TMX4: variants seen among roughly 807,000 people sequenced by gnomAD.
The protein encoded by TMX4 is thioredoxin related transmembrane protein 4.
Under a neutral mutation model 33.3 loss-of-function variants are expected in TMX4, and 23 were observed. That is an observed-to-expected ratio of 0.69 (90% confidence interval 0.50 to 0.98). The LOEUF is 0.98. Among genes scored for constraint, TMX4 ranks in the 50% least tolerant of loss-of-function variants. TMX4 has a pLI of 0.00. For synonymous variants in TMX4, 164 were observed against 161.5 expected (o/e 1.02, Z -0.12); for missense variants, 399 against 448.9 (o/e 0.89, Z 1.01).
At chr20:8,015,841 A>T (rs1400978896) in intron 1 of TMX4, among the ~76,000 whole-genome samples, 1 of 152,228 alleles carries the variant, frequency 6.6e-6, no homozygotes, top group Non-Finnish European at 1.5e-5. Context: ...TTGAAACATG[A>T]TCATTCCAAA....
chr20:8,001,285 T>A (rs2050706367), intron 3 of TMX4, among the ~76,000 whole-genome samples: 1 of 152,168 alleles, frequency 6.6e-6, no homozygotes, highest in Non-Finnish European at 1.5e-5. Context: ...CTCTGACTTC[T>A]CCTGCCCACC....
rs1485146515 is a variant in TMX4, at chr20:7,978,946, C to T, written c.*3305G>A. 6.6e-6 allele frequency: 1 copy of T among 152,212 alleles called. No individual in the cohort carries two copies. 9.4% of individuals were successfully genotyped at this position (152,212 alleles called of 1,614,324 possible). On this transcript the variant is annotated 3_prime_UTR_variant, in exon 8 of 8. Transcript: ENST00000246024. Reference sequence around the variant, plus strand: ...AGATACCCTGCTCCAACTCCCCAAACATAAAGCACTGCACATTCCCATTCC... The same window carrying T: ...AGATACCCTGCTCCAACTCCCCAAATATAAAGCACTGCACATTCCCATTCC...
At chr20:8,008,238 A>G (rs1351709355) in intron 2 of TMX4, among the ~76,000 whole-genome samples, 1 of 152,160 alleles carries the variant, frequency 6.6e-6, no homozygotes, top group African/African-American at 2.4e-5. Flanking sequence ...TAAAATTTTT[A>G]TCATTTAAAA....
chr20:7,982,518 T>G lies in TMX4; in HGVS notation c.783A>C (p.Val261=). ...GATCTTCTTTCTCTTCTTCATCATC[T>G]ACAAGGCTGTCTTTGTTTTCTTCTT... The part of the protein sequence containing the change: ...SNEEENKDSL[V]DDEEEKEDLG... Residue 261 remains valine (V), a synonymous_variant, in exon 8 of 8, where the codon GTA becomes GTC. Coordinates refer to ENST00000246024, the MANE Select transcript of TMX4 (RefSeq NM_021156.4). The G allele has an allele frequency of 6.2e-7, 1 of 1,613,800 alleles. No individual in the cohort carries two copies. The highest frequency in any genetic ancestry group is 8.5e-7 in the Non-Finnish European group (1 of 1,179,752).
chr20:8,004,744 T>C (rs1006477010), intron 2 of TMX4, among the ~76,000 whole-genome samples: 1 of 152,214 alleles, frequency 6.6e-6, no homozygotes, highest in Non-Finnish European at 1.5e-5. Context: ...AAAACAGAGA[T>C]AGCTAATAGC....
At position 7,983,865 on chromosome 20, in the gene TMX4, GA is replaced by G. The variant is rs1385792813; in HGVS notation, c.616-9del. 1.9e-6 allele frequency: 3 copies of G among 1,610,810 alleles called. No homozygotes were observed. The highest frequency in any genetic ancestry group is 1.7e-6 in the Non-Finnish European group (2 of 1,178,434). On this transcript the variant is annotated splice_polypyrimidine_tract_variant and intron_variant, in intron 6 of 7. Coordinates refer to ENST00000246024, the MANE Select transcript of TMX4 (RefSeq NM_021156.4). The stretch of plus-strand genomic sequence containing the variant: ...TGATATTACCACCAAGACCTGGAAG[GA>G]AAAAAGTGATTTTACAGTGAATAGA...
intron 2 of TMX4, among the ~76,000 whole-genome samples, chr20:8,005,554 T>C (rs1264783444): frequency 6.6e-6 from 1 of 152,180 alleles, no homozygotes; most frequent in South Asian, 2.1e-4. Context: ...ATTTCTGTTT[T>C]TGTGCCCAAA....
rs2122877859 is a variant in TMX4 at position 8,010,218 on chromosome 20, C to T, written c.274G>A (p.Asp92Asn). 6.2e-7 allele frequency: 1 copy of T among 1,609,070 alleles called. No individual in the cohort carries two copies. The highest frequency in any genetic ancestry group is 8.5e-7 in the Non-Finnish European group (1 of 1,176,958). Residue 92 changes from aspartate (D) to asparagine (N), a missense_variant, in exon 2 of 8, where the codon GAT becomes AAT. Coordinates refer to ENST00000246024, the MANE Select transcript of TMX4 (RefSeq NM_021156.4). ...ACAGTACCTGGTTCTTGAATGACAT[C>T]TACCTTCCCCACACTGATCTGAAGT... ...EILQISVGKV[D>N]VIQEPGLSGR...
Position 8,019,656 on chromosome 20 carries a change from G to C in TMX4, c.-43C>G. ...GCTTCTCGGCGGGGAGTGTGGGGAAGGGCAGCGGCCGGCCCGCAGCCTCGC... is the reference window on the plus strand; with the variant it reads ...GCTTCTCGGCGGGGAGTGTGGGGAACGGCAGCGGCCGGCCCGCAGCCTCGC... On this transcript the variant is annotated 5_prime_UTR_variant, in exon 1 of 8. Transcript: ENST00000246024. 7.7e-7 allele frequency: 1 copy of C among 1,294,628 alleles called. No homozygotes were observed. Among genetic ancestry groups the C allele is most frequent in the Non-Finnish European group, 9.8e-7 (1 of 1,021,018 alleles). 80.2% of individuals were successfully genotyped at this position (1,294,628 alleles called of 1,614,324 possible).
At position 7,981,224 on chromosome 20, in the gene TMX4, A is replaced by G. The variant is rs1221168971; in HGVS notation, c.*1027T>C. 1.3e-5 allele frequency: 2 copies of G among 152,200 alleles called. No individual in the cohort carries two copies. The highest frequency in any genetic ancestry group is 6.5e-5 in the Admixed American group (1 of 15,276). The allele number at this position is 152,200 out of a possible 1,614,324, so 9.4% of individuals were successfully genotyped here. A position where few individuals can be genotyped will look rare whatever the true frequency, so the allele number is the denominator to read the frequency against. ...TTCTTTCACCAAAAGCACATCACTGAAGGAAAATCAGAAGTGGTTTTTTAG... is the reference window on the plus strand; with the variant it reads ...TTCTTTCACCAAAAGCACATCACTGGAGGAAAATCAGAAGTGGTTTTTTAG... On this transcript the variant is annotated 3_prime_UTR_variant, in exon 8 of 8. Transcript: ENST00000246024.
chr20:8,001,685 T>C (rs2050708278), intron 2 of TMX4, 144 bp from the exon 3 acceptor site: 1 of 780,806 alleles, frequency 1.3e-6, no homozygotes, highest in African/African-American at 1.8e-5. Context: ...AGAAATTTCA[T>C]TTCTACCTAT....
In TMX4 at chr20:7,987,285, T is replaced by C. The variant is rs773904249; in HGVS notation, c.615+3A>G. On this transcript the variant is annotated splice_donor_region_variant and intron_variant, in intron 6 of 7. Transcript: ENST00000246024. ...ATAGAAAAAGTTTGGTATTATCTCT[T>C]ACCAGACCCATAAAAAGGCCAAAAA... 6.4e-7 allele frequency: 1 copy of C among 1,571,422 alleles called. No individual in the cohort carries two copies. Among genetic ancestry groups the C allele is most frequent in the Non-Finnish European group, 8.6e-7 (1 of 1,160,254 alleles).
chr20:7,984,851 T>C (rs1034423207), intron 6 of TMX4, among the ~76,000 whole-genome samples: 1 of 151,220 alleles, frequency 6.6e-6, no homozygotes, highest in Non-Finnish European at 1.5e-5. Flanking sequence ...TTGGTGAGAT[T>C]ACAAAAAAAA....
intron 1 of TMX4, among the ~76,000 whole-genome samples, chr20:8,018,518 G>GTCTC (rs1568541327): frequency 0.027 from 1,243 of 46,154 alleles, 217 homozygotes; most frequent in African/African-American, 0.058. Flanking sequence ...GAGAGAGAGA[G>GTCTC]AGAGAGAGAG....
Position 7,981,860 on chromosome 20 carries a change from C to G in TMX4, c.*391G>C, listed in dbSNP as rs558931590. ...ACAAGAAAAGGATGCAAGGCTTCTA[C>G]GTTACACTTTGGGGATGCTCAGGAG... On this transcript the variant is annotated 3_prime_UTR_variant, in exon 8 of 8. Transcript: ENST00000246024. 1 of 174,672 alleles carries G rather than the reference C, an allele frequency of 5.7e-6. No individual in the cohort carries two copies. The highest frequency in any genetic ancestry group is 2.4e-5 in the African/African-American group (1 of 42,024). The allele number at this position is 174,672 out of a possible 1,614,324, so 10.8% of individuals were successfully genotyped here. A position where few individuals can be genotyped will look rare whatever the true frequency, so the allele number is the denominator to read the frequency against.
chr20:8,005,566 G>A (rs2050725549), intron 2 of TMX4, among the ~76,000 whole-genome samples: 1 of 152,146 alleles, frequency 6.6e-6, no homozygotes, highest in Non-Finnish European at 1.5e-5. Flanking sequence ...GTGCCCAAAT[G>A]TTGCATTTCC....
At chr20:7,991,844 A>T (rs1380052049) in intron 5 of TMX4, among the ~76,000 whole-genome samples, 8 of 151,958 alleles carry the variant, frequency 5.3e-5, no homozygotes, top group Non-Finnish European at 1.0e-4. Context: ...GAAAAAAAAA[A>T]AATAGGATTC....
chr20:8,007,097 G>A (rs1444860471), intron 2 of TMX4, among the ~76,000 whole-genome samples: 2 of 152,126 alleles, frequency 1.3e-5, no homozygotes, highest in African/African-American at 4.8e-5. Flanking sequence ...TGTTGCAGTG[G>A]CCTGTTCTCA....
chr20:8,005,679 G>A (rs1289554810), intron 2 of TMX4, among the ~76,000 whole-genome samples: 1 of 152,118 alleles, frequency 6.6e-6, no homozygotes, highest in Non-Finnish European at 1.5e-5. Context: ...GGAAGACATC[G>A]GCAGAAGAAC....
Sources: gnomAD v4.1 joint callset for allele counts (sites outside exome capture counted in the v4.1 genomes callset) on GRCh38, gnomAD v4.1.1 for gene constraint, MANE v1.5 for transcripts, NCBI Gene and HGNC (gene_info 2026-07-23, HGNC 2026-07-21) for gene names.